RAB18: variants seen among roughly 807,000 people sequenced by gnomAD.
RAB18 encodes the protein ras-related protein Rab-18.
In RAB18, 10 loss-of-function variants were observed where a neutral mutation model predicts 28.5. The observed-to-expected ratio is 0.35, with a 90% CI of 0.22 to 0.60. The LOEUF (loss-of-function observed/expected upper bound fraction) is 0.60, where lower values mean the gene tolerates loss of function less well. Among genes scored for constraint, RAB18 ranks in the 20% least tolerant of loss-of-function variants. The probability of loss-of-function intolerance (pLI) is 0.78; values close to 1 mark genes in which losing one functional copy is unlikely to be tolerated. For missense variants in RAB18, 188 were observed against 244.2 expected (o/e 0.77, Z 1.53); for synonymous variants, 93 against 86.9 (o/e 1.07, Z -0.39).
intron 4 of RAB18, 107 bp downstream of exon 4, chr10:27,532,686 T>C (rs1440239627): frequency 1.2e-5 from 10 of 822,118 alleles, no homozygotes; most frequent in East Asian, 5.1e-5. Flanking sequence ...TTAGAGCTAC[T>C]TTTATGTAAC....
intron 3 of RAB18, chr10:27,531,622 A>G: frequency 1.2e-6 from 1 of 801,078 alleles, no homozygotes; most frequent in Non-Finnish European, 2.2e-6. Context: ...ATACGTAAGC[A>G]AATAGGCCTG....
At chr10:27,525,316 G>A (rs1834649918) in intron 2 of RAB18, among the ~76,000 whole-genome samples, 1 of 152,138 alleles carries the variant, frequency 6.6e-6, no homozygotes, top group Non-Finnish European at 1.5e-5. Flanking sequence ...ACTGTAGAGT[G>A]TGCATGACAG....
chr10:27,531,734 A>G, intron 3 of RAB18: 1 of 561,608 alleles, frequency 1.8e-6, no homozygotes, highest in Middle Eastern at 3.8e-4. Flanking sequence ...TGGTAGAAAG[A>G]CAAGAGAGAG....
At chr10:27,527,170 T>C in intron 3 of RAB18, 1 of 475,574 alleles carries the variant, frequency 2.1e-6, no homozygotes, top group South Asian at 1.7e-5. Flanking sequence ...GAATCATAAT[T>C]GGATATGTTT....
chr10:27,516,975 T>A (rs1339903447), intron 2 of RAB18, among the ~76,000 whole-genome samples: 1 of 152,194 alleles, frequency 6.6e-6, no homozygotes, highest in Non-Finnish European at 1.5e-5. Context: ...TATGTAATGC[T>A]GGCCCAGTAA....
intron 1 of RAB18, among the ~76,000 whole-genome samples, chr10:27,507,088 G>A (rs537140023): frequency 9.5e-4 from 144 of 152,266 alleles, no homozygotes; most frequent in Non-Finnish European, 1.8e-3. Flanking sequence ...GCCTTTTAAA[G>A]TGAATTAGTA....
At position 27,541,581 on chromosome 10, in the gene RAB18, A is replaced by G; in HGVS notation, c.*3530A>G. The G allele has an allele frequency of 2.2e-6, 1 of 453,336 alleles. No individual in the cohort carries two copies. Among genetic ancestry groups the G allele is most frequent in the South Asian group, 1.6e-5 (1 of 64,452 alleles). The allele number at this position is 453,336 out of a possible 1,614,324, so 28.1% of individuals were successfully genotyped here. On this transcript the variant is annotated 3_prime_UTR_variant, in exon 7 of 7. Coordinates refer to ENST00000356940, the MANE Select transcript of RAB18 (RefSeq NM_021252.5). The stretch of plus-strand genomic sequence containing the variant: ...ACATATTTTGAATAGTCGTGTGTTC[A>G]TGCCTGTTCTCAGTCTTGTCCCCTT...
chr10:27,522,707 A>G (rs908295776), intron 2 of RAB18, among the ~76,000 whole-genome samples: 2 of 151,880 alleles, frequency 1.3e-5, no homozygotes, highest in Non-Finnish European at 2.9e-5. Flanking sequence ...TTCTATATAT[A>G]TTTTCTTTGT....
intron 1 of RAB18, among the ~76,000 whole-genome samples, chr10:27,507,460 A>G (rs1328718784): frequency 6.6e-6 from 1 of 152,138 alleles, no homozygotes. Flanking sequence ...TGGTAAGGTA[A>G]AGAGTAGCAG....
rs1049963660 is a variant in RAB18 at position 27,531,587 on chromosome 10, C to G, written c.187-920C>G. Reference sequence around the variant, plus strand: ...TTAAAGAGCCAGATAGGAAATAGTCCAATCCTGAAGTGGGCCATGTGGCAA... The same window carrying G: ...TTAAAGAGCCAGATAGGAAATAGTCGAATCCTGAAGTGGGCCATGTGGCAA... On this transcript the variant is annotated intron_variant, in intron 3 of 6. Coordinates refer to ENST00000356940, the MANE Select transcript of RAB18 (RefSeq NM_021252.5). The G allele has an allele frequency of 2.6e-5, 31 of 1,182,438 alleles. No individual in the cohort carries two copies. The African/African-American group carries it at 4.4e-4, about 17-fold the overall frequency. 73.2% of individuals were successfully genotyped at this position (1,182,438 alleles called of 1,614,324 possible).
chr10:27,540,548 T>C lies in RAB18; in HGVS notation c.*2497T>C. 1 of 454,140 alleles carries C rather than the reference T, an allele frequency of 2.2e-6. No individual in the cohort carries two copies. Among genetic ancestry groups the C allele is most frequent in the Non-Finnish European group, 4.4e-6 (1 of 226,784 alleles). The allele number at this position is 454,140 out of a possible 1,614,324, so 28.1% of individuals were successfully genotyped here. ...TAGAGTAAATCCCATGATGTAAACC[T>C]ACCTCATAAGTCATGTGACATAAAA... is the stretch of plus-strand genomic sequence containing the variant. On this transcript the variant is annotated 3_prime_UTR_variant, in exon 7 of 7. Transcript: ENST00000356940.
chr10:27,537,740 C>T, intron 6 of RAB18, 136 bp from the exon 7 acceptor site: 2 of 694,078 alleles, frequency 2.9e-6, no homozygotes, highest in Non-Finnish European at 4.8e-6. Flanking sequence ...TAGTTATTGA[C>T]CTTTGGGGAA....
At chr10:27,530,192 T>G (rs1008690655) in intron 3 of RAB18, among the ~76,000 whole-genome samples, 1 of 152,016 alleles carries the variant, frequency 6.6e-6, no homozygotes, top group Admixed American at 6.6e-5. Context: ...TAAACTTTCT[T>G]CCTGTTATCA....
chr10:27,505,798 C>T (rs1162788460), intron 1 of RAB18, among the ~76,000 whole-genome samples: 1 of 152,062 alleles, frequency 6.6e-6, no homozygotes. Context: ...GACCTCGTGA[C>T]CCGCCCACCT....
intron 2 of RAB18, among the ~76,000 whole-genome samples, chr10:27,512,155 A>G (rs918719454): frequency 2.0e-5 from 3 of 151,994 alleles, no homozygotes; most frequent in African/African-American, 7.3e-5. Context: ...CTAAATTTTC[A>G]ATAAATTAGG....
At chr10:27,536,252 C>T (rs1470197934) in intron 6 of RAB18, among the ~76,000 whole-genome samples, 1 of 152,056 alleles carries the variant, frequency 6.6e-6, no homozygotes, top group Non-Finnish European at 1.5e-5. Flanking sequence ...GACATTTTTC[C>T]GATAACCGGT....
rs1397399570 is a variant in RAB18 at position 27,538,062 on chromosome 10, A to G, written c.*11A>G. ...TGCTCTGTGTTATAAACTCTGGGAAATTCCATCTCTTGCATATTTGATCAG... is the reference window on the plus strand; with the variant it reads ...TGCTCTGTGTTATAAACTCTGGGAAGTTCCATCTCTTGCATATTTGATCAG... On this transcript the variant is annotated 3_prime_UTR_variant, in exon 7 of 7. Transcript: ENST00000356940. 1.2e-6 allele frequency: 2 copies of G among 1,613,982 alleles called. No homozygotes were observed. Among genetic ancestry groups the G allele is most frequent in the African/African-American group, 2.7e-5 (2 of 74,936 alleles).
chr10:27,518,180 A>G (rs145639227), intron 2 of RAB18, among the ~76,000 whole-genome samples: 23 of 152,282 alleles, frequency 1.5e-4, no homozygotes, highest in African/African-American at 4.3e-4. Context: ...GTGATTATGA[A>G]TAGTCCTGTT....
intron 1 of RAB18, among the ~76,000 whole-genome samples, chr10:27,506,285 G>C (rs1837834217): frequency 6.6e-6 from 1 of 152,030 alleles, no homozygotes; most frequent in Admixed American, 6.6e-5. Context: ...AAATTTTCTG[G>C]AAGGTTAACT....
Sources: gnomAD v4.1 joint callset for allele counts (sites outside exome capture counted in the v4.1 genomes callset) on GRCh38, gnomAD v4.1.1 for gene constraint, MANE v1.5 for transcripts, NCBI Gene and HGNC (gene_info 2026-07-23, HGNC 2026-07-21) for gene names.